NWD1: variants seen among roughly 807,000 people sequenced by gnomAD.
NWD1 encodes NACHT and WD repeat domain containing 1.
NWD1 carries 129 observed loss-of-function variants against 135.1 expected under a neutral mutation model. That is an observed-to-expected ratio of 0.96 (90% confidence interval 0.83 to 1.11). The LOEUF is 1.11. Among genes scored for constraint, NWD1 ranks in the 50% least tolerant of loss-of-function variants. The pLI, the probability that NWD1 is intolerant of heterozygous loss-of-function variation, is 0.00. For synonymous variants in NWD1, 773 were observed against 786.0 expected, an observed-to-expected ratio of 0.98 and a Z score of 0.28; for missense variants, 1,740 against 1,851.3, an observed-to-expected ratio of 0.94 and a Z score of 1.10.
At chr19:16,752,211 T>C (rs368177197) in intron 6 of NWD1, among the ~76,000 whole-genome samples, 1 of 149,880 alleles carries the variant, frequency 6.7e-6, no homozygotes, top group Non-Finnish European at 1.5e-5. Context: ...TTCTCAGTTT[T>C]AGGGTTGTTT....
chr19:16,806,877 C>T (rs768216558), intron 17 of NWD1, among the ~76,000 whole-genome samples: 1 of 151,730 alleles, frequency 6.6e-6, no homozygotes, highest in Non-Finnish European at 1.5e-5. Flanking sequence ...ATTAGCTGGG[C>T]GTGGTGGTGC....
intron 2 of NWD1, among the ~76,000 whole-genome samples, chr19:16,726,559 C>G (rs894253445): frequency 1.3e-5 from 2 of 152,142 alleles, no homozygotes; most frequent in African/African-American, 4.8e-5. Flanking sequence ...CCTGCCTCAG[C>G]CTCCCAAGTA....
At chr19:16,757,704 A>G (rs1306805101) in intron 6 of NWD1, among the ~76,000 whole-genome samples, 1 of 152,170 alleles carries the variant, frequency 6.6e-6, no homozygotes, top group Non-Finnish European at 1.5e-5. Flanking sequence ...CTCTCAACCT[A>G]GCGGTTCACC....
intron 5 of NWD1, among the ~76,000 whole-genome samples, chr19:16,747,685 A>G (rs957398203): frequency 1.3e-5 from 2 of 151,802 alleles, no homozygotes; most frequent in Non-Finnish European, 2.9e-5. Context: ...AGACATTTTC[A>G]TCACCTCAAA....
chr19:16,746,572 C>G (rs1381146286), intron 5 of NWD1, among the ~76,000 whole-genome samples: 1 of 152,014 alleles, frequency 6.6e-6, no homozygotes, highest in African/African-American at 2.4e-5. Flanking sequence ...ACTCGGGAGG[C>G]TGAGGCAGGA....
chr19:16,746,569 A>G (rs1314967023), intron 5 of NWD1, among the ~76,000 whole-genome samples: 1 of 152,078 alleles, frequency 6.6e-6, no homozygotes, highest in Non-Finnish European at 1.5e-5. Context: ...GCTACTCGGG[A>G]GGCTGAGGCA....
At chr19:16,724,925 C>T (rs992099128) in intron 2 of NWD1, among the ~76,000 whole-genome samples, 1 of 152,034 alleles carries the variant, frequency 6.6e-6, no homozygotes, top group Admixed American at 6.6e-5. Flanking sequence ...AACTCCTGAC[C>T]TCAGGTGGTC....
chr19:16,783,495 G>A (rs1209716973), intron 12 of NWD1, among the ~76,000 whole-genome samples: 1 of 151,956 alleles, frequency 6.6e-6, no homozygotes, highest in East Asian at 1.9e-4. Context: ...TTAGCCGGGC[G>A]TGGTGATATA....
In NWD1 at chr19:16,759,363, G is replaced by A. The variant is rs1968922670; in HGVS notation, c.1908G>A (p.Arg636=). The change falls in exon 7 of 19, where the codon CGG becomes CGA. Residue 636 remains arginine (R), a synonymous_variant. Transcript: ENST00000524140. ...CCCTGCTGTGGGTGCGGCTTCGTCG[G>A]GATCTGGGATACTACTTGGCCCGGC... ...FPPLLWVRLR[R]DLGYYLARRP... is the part of the protein sequence containing the mutation. 6.2e-7 allele frequency: 1 copy of A among 1,611,708 alleles called. No homozygotes were observed. The highest frequency in any genetic ancestry group is 1.3e-5 in the African/African-American group (1 of 74,860).
At chr19:16,755,801 G>A (rs1968771004) in intron 6 of NWD1, among the ~76,000 whole-genome samples, 1 of 151,354 alleles carries the variant, frequency 6.6e-6, no homozygotes, top group South Asian at 2.1e-4. Flanking sequence ...GCCTCCCAAA[G>A]TGCTGGGATT....
intron 7 of NWD1, among the ~76,000 whole-genome samples, chr19:16,761,576 T>C (rs1019973430): frequency 6.6e-6 from 1 of 152,012 alleles, no homozygotes; most frequent in Non-Finnish European, 1.5e-5. Context: ...TTGGCCAGGC[T>C]GGTCTTGAAC....
At chr19:16,787,734 C>T (rs917630911) in intron 12 of NWD1, among the ~76,000 whole-genome samples, 9 of 151,462 alleles carry the variant, frequency 5.9e-5, no homozygotes, top group Admixed American at 2.6e-4. Flanking sequence ...GTGGCACATG[C>T]CTGTAATCCC....
intron 6 of NWD1, among the ~76,000 whole-genome samples, chr19:16,755,211 C>A (rs76402660): frequency 1.6e-3 from 248 of 151,784 alleles, no homozygotes; most frequent in African/African-American, 4.0e-3. Context: ...TCATTAATAT[C>A]TCTCTCTCTC....
intron 3 of NWD1, among the ~76,000 whole-genome samples, chr19:16,733,962 C>T (rs115573216): frequency 2.6e-5 from 4 of 152,028 alleles, no homozygotes; most frequent in Middle Eastern, 3.2e-3. Context: ...GTCTTTCTCT[C>T]GGTGCTAAAG....
chr19:16,794,523 G>T lies in NWD1; in HGVS notation c.3274G>T (p.Val1092Phe). 1 of 1,611,254 alleles carries T rather than the reference G, an allele frequency of 6.2e-7. No individual in the cohort carries two copies. The highest frequency in any genetic ancestry group is 8.5e-7 in the Non-Finnish European group (1 of 1,178,520). ...KLPDAVRFLV[V>F]SEDESLLAAG... ...TCCAGATGCTGTGAGGTTCCTGGTG[G>T]TCTCTGAAGATGAGTCCCTCCTCGC... is the stretch of plus-strand genomic sequence containing the variant. Residue 1092 changes from valine to phenylalanine, a missense_variant, in exon 15 of 19, where the codon GTC becomes TTC. Physicochemically the swap from Val to Phe is conservative, Grantham distance 50 (BLOSUM62 -1). Transcript: ENST00000524140.
At chr19:16,775,548 C>T (rs1178323761) in intron 11 of NWD1, among the ~76,000 whole-genome samples, 2 of 152,162 alleles carry the variant, frequency 1.3e-5, no homozygotes, top group African/African-American at 2.4e-5. Flanking sequence ...GATGGCAGGC[C>T]TCTTCATTTT....
chr19:16,806,639 A>C (rs777844522), intron 17 of NWD1, among the ~76,000 whole-genome samples: 2 of 151,830 alleles, frequency 1.3e-5, no homozygotes, highest in African/African-American at 2.4e-5. Flanking sequence ...AGAGCCTGAG[A>C]GGTTGAGGCT....
rs776733321 is a variant in NWD1, at chr19:16,807,621, A to G, written c.3772A>G (p.Ile1258Val). Reference protein sequence around the residue: ...EQDSLDTSSEIRCLEVAEQRK... With the variant: ...EQDSLDTSSEVRCLEVAEQRK... ...AGATTCCCTGGACACCTCCAGTGAG[A>G]TCAGGTGTCTGGAGGTTGCTGAGCA... Residue 1258 changes from isoleucine to valine, a missense_variant, in exon 18 of 19, where the codon ATC becomes GTC. Transcript: ENST00000524140. The G allele has an allele frequency of 5.2e-6, 8 of 1,543,538 alleles. No individual in the cohort carries two copies. In the South Asian group the frequency reaches 8.7e-5, roughly 17 times the overall value.
chr19:16,782,125 T>G (rs944886404), intron 12 of NWD1, among the ~76,000 whole-genome samples: 1 of 146,276 alleles, frequency 6.8e-6, no homozygotes, highest in African/African-American at 2.5e-5. Flanking sequence ...AAAAAGAATC[T>G]AATCTAACCC....
Sources: allele counts gnomAD v4.1 joint callset (sites outside exome capture counted in the v4.1 genomes callset), GRCh38; gene constraint gnomAD v4.1.1; transcripts MANE v1.5; gene names NCBI Gene and HGNC (gene_info 2026-07-23, HGNC 2026-07-21).